Variants in DBT observed in about 807,000 individuals in gnomAD.
DBT encodes dihydrolipoamide branched chain transacylase E2, also known as lipoamide acyltransferase component of branched-chain alpha-keto acid dehydrogenase complex, mitochondrial.
Under a neutral mutation model 51.3 loss-of-function variants are expected in DBT, and 40 were observed. That is an observed-to-expected ratio of 0.78 (90% CI 0.61 to 1.02). The LOEUF (loss-of-function observed/expected upper bound fraction) is 1.02, where lower values mean the gene tolerates loss of function less well. Among genes scored for constraint, DBT ranks in the 50% least tolerant of loss-of-function variants. The pLI is 0.00. For synonymous variants in DBT, 181 were observed against 190.4 expected, an observed-to-expected ratio of 0.95 and a Z score of 0.41; for missense variants, 510 against 580.2, an observed-to-expected ratio of 0.88 and a Z score of 1.24.
At chr1:100,210,589 C>A in intron 8 of DBT, 105 bp downstream of exon 8, 1 of 1,503,764 alleles carries the variant, frequency 6.6e-7, no homozygotes, top group Non-Finnish European at 9.0e-7. Flanking sequence ...TAATTCTAGT[C>A]TAAAAAAGAT....
rs186688219 is a variant in DBT at position 100,248,831 on chromosome 1, C to T, written c.51+939G>A. Among the ~76,000 whole-genome samples, 719 of 152,292 alleles carry T rather than the reference C, an allele frequency of 4.7e-3. 3 individuals are homozygous for T. The highest frequency in any genetic ancestry group is 0.016 in the African/African-American group (659 of 41,562). ...TATCCTCTGGGAACTCCTCTGACCC[C>T]CAAGTCCACCATAGGTGTCCACTCC... On this transcript the variant is annotated intron_variant, in intron 1 of 10. Transcript: ENST00000370132.
chr1:100,197,299 C>T (rs964355560), intron 10 of DBT, among the ~76,000 whole-genome samples: 1 of 152,202 alleles, frequency 6.6e-6, no homozygotes, highest in African/African-American at 2.4e-5. Flanking sequence ...ATGTAGGCCA[C>T]TGCAACTACT....
chr1:100,241,417 A>C (rs1446105334), intron 1 of DBT, among the ~76,000 whole-genome samples: 1 of 141,040 alleles, frequency 7.1e-6, no homozygotes, highest in African/African-American at 2.8e-5. Flanking sequence ...TGTATTTGAG[A>C]CATGGTCTCA....
chr1:100,196,456 A>AT, intron 10 of DBT, 34 bp from the exon 11 acceptor site: 2 of 1,468,076 alleles, frequency 1.4e-6, no homozygotes, highest in Non-Finnish European at 1.9e-6. Flanking sequence ...AAAAAAAAAA[A>AT]AAAGAACAAA....
intron 10 of DBT, among the ~76,000 whole-genome samples, chr1:100,203,059 C>T (rs539388493): frequency 1.3e-5 from 2 of 152,092 alleles, no homozygotes; most frequent in East Asian, 3.9e-4. Context: ...AGAGCAAACA[C>T]GTTCAAAAGC....
At position 100,206,348 on chromosome 1, in the gene DBT, T is replaced by C. The variant is rs748817977; in HGVS notation, c.1210-47A>G. ...AGGAGAGTATTAAAAGTTAAGATTT[T>C]TCAGGGAACAAATGCCAAGTGACTT... On this transcript the variant is annotated intron_variant, in intron 9 of 10. Coordinates refer to ENST00000370132, the MANE Select transcript of DBT (RefSeq NM_001918.5). The C allele has an allele frequency of 1.1e-5, 18 of 1,584,642 alleles. No homozygotes were observed. In the Admixed American group the frequency reaches 3.0e-4, roughly 27 times the overall value.
intron 1 of DBT, among the ~76,000 whole-genome samples, chr1:100,242,710 A>G (rs1664295333): frequency 6.6e-6 from 1 of 152,230 alleles, no homozygotes; most frequent in African/African-American, 2.4e-5. Context: ...CTCTTGGTCA[A>G]CAATAAAATC....
intron 2 of DBT, among the ~76,000 whole-genome samples, chr1:100,235,997 C>T (rs1663844030): frequency 6.6e-6 from 1 of 152,134 alleles, no homozygotes; most frequent in Admixed American, 6.5e-5. Flanking sequence ...TTGATGGAAA[C>T]TTGTTTGTCC....
chr1:100,243,125 A>C (rs1442975478), intron 1 of DBT, among the ~76,000 whole-genome samples: 1 of 151,388 alleles, frequency 6.6e-6, no homozygotes, highest in African/African-American at 2.4e-5. Context: ...AATCAGCTGG[A>C]CATGGTGGCA....
intron 7 of DBT, chr1:100,213,651 G>A (rs1409832780): frequency 1.9e-6 from 3 of 1,610,610 alleles, no homozygotes; most frequent in Non-Finnish European, 2.5e-6. Flanking sequence ...TGCCCCAACT[G>A]TGGAGCCACC....
intron 4 of DBT, among the ~76,000 whole-genome samples, chr1:100,229,202 C>T (rs560180175): frequency 6.6e-6 from 1 of 152,124 alleles, no homozygotes; most frequent in South Asian, 2.1e-4. Flanking sequence ...GAGTCTTGCT[C>T]TGTCACCTAG....
intron 7 of DBT, among the ~76,000 whole-genome samples, chr1:100,211,571 G>A (rs956387048): frequency 6.6e-6 from 1 of 152,126 alleles, no homozygotes; most frequent in African/African-American, 2.4e-5. Flanking sequence ...TTCTTTACAT[G>A]CATTGTGTTA....
intron 7 of DBT, chr1:100,213,376 C>G: frequency 3.2e-6 from 5 of 1,549,124 alleles, no homozygotes; most frequent in East Asian, 4.9e-5. Flanking sequence ...GAGGCCCGCA[C>G]GGCTACGGCG....
rs750128953 is a variant in DBT at position 100,190,792 on chromosome 1, CTT to C, written c.*5461_*5462del. On this transcript the variant is annotated 3_prime_UTR_variant, in exon 11 of 11. Coordinates refer to ENST00000370132, the MANE Select transcript of DBT (RefSeq NM_001918.5). ...AATTCAAGGTTCTTAGATTGAATCA[CTT>C]TGTCTGCTCTGAGGTTATTTGCTTA... is the stretch of plus-strand genomic sequence containing the variant. The C allele has an allele frequency of 7.2e-5, 11 of 152,208 alleles. No homozygotes were observed. Among genetic ancestry groups the C allele is most frequent in the African/African-American group, 1.4e-4 (6 of 41,438 alleles). 9.4% of individuals were successfully genotyped at this position (152,208 alleles called of 1,614,324 possible). A position where few individuals can be genotyped will look rare whatever the true frequency, so the allele number is the denominator to read the frequency against.
rs1427076517 is a variant in DBT at position 100,194,527 on chromosome 1, G to A, written c.*1728C>T. The A allele has an allele frequency of 6.6e-6, 1 of 152,160 alleles. No individual in the cohort carries two copies. Among genetic ancestry groups the A allele is most frequent in the African/African-American group, 2.4e-5 (1 of 41,406 alleles). The allele number at this position is 152,160 out of a possible 1,614,324, so 9.4% of individuals were successfully genotyped here. ...TAATTTTTTGTATTTTTACAAAACT[G>A]TAGAGATGGGGTTTCACCATGTTGG... is the stretch of plus-strand genomic sequence containing the variant. On this transcript the variant is annotated 3_prime_UTR_variant, in exon 11 of 11. Transcript: ENST00000370132.
chr1:100,230,968 A>T (rs914307433), intron 3 of DBT, 54 bp from the exon 4 acceptor site: 8 of 1,072,406 alleles, frequency 7.5e-6, no homozygotes, highest in Middle Eastern at 2.0e-4. Flanking sequence ...AGTACAGATC[A>T]TATTAAGGAT....
At chr1:100,207,592 C>T (rs1455436785) in intron 8 of DBT, among the ~76,000 whole-genome samples, 3 of 152,014 alleles carry the variant, frequency 2.0e-5, no homozygotes, top group African/African-American at 7.2e-5. Context: ...GAGACTGACA[C>T]AGAAGGATTG....
intron 1 of DBT, among the ~76,000 whole-genome samples, chr1:100,244,533 T>A (rs3131839): frequency 6.6e-5 from 10 of 152,006 alleles, no homozygotes; most frequent in Non-Finnish European, 1.2e-4. Context: ...TTTAAAAAAA[T>A]AACTATTACC....
At chr1:100,241,143 A>C (rs1664184787) in intron 1 of DBT, among the ~76,000 whole-genome samples, 1 of 152,212 alleles carries the variant, frequency 6.6e-6, no homozygotes, top group Non-Finnish European at 1.5e-5. Context: ...CCTGAACTAA[A>C]ACTACTAAAG....
Sources: gnomAD v4.1 joint callset for allele counts (sites outside exome capture counted in the v4.1 genomes callset) on GRCh38, gnomAD v4.1.1 for gene constraint, MANE v1.5 for transcripts, NCBI Gene and HGNC (gene_info 2026-07-23, HGNC 2026-07-21) for gene names.